Variants in KCNIP3 observed in about 807,000 individuals in gnomAD.
The protein encoded by KCNIP3 is calsenilin.
Under a neutral mutation model 35.0 loss-of-function variants are expected in KCNIP3, and 28 were observed. The observed-to-expected ratio is 0.80, with a 90% CI of 0.59 to 1.10. The LOEUF is 1.10. Among genes scored for constraint, KCNIP3 ranks in the 50% least tolerant of loss-of-function variants. The pLI, the probability that KCNIP3 is intolerant of heterozygous loss-of-function variation, is 0.00. For synonymous variants in KCNIP3, 134 were observed against 133.8 expected, an observed-to-expected ratio of 1.00 and a Z score of -0.01; for missense variants, 295 against 338.4, an observed-to-expected ratio of 0.87 and a Z score of 1.01.
intron 2 of KCNIP3, among the ~76,000 whole-genome samples, chr2:95,344,650 A>C (rs1183890117): frequency 6.6e-6 from 1 of 152,236 alleles, no homozygotes; most frequent in Admixed American, 6.5e-5. Context: ...AGGACCCCCA[A>C]GATGGCCTCC....
chr2:95,314,742 G>A (rs2104216411), intron 2 of KCNIP3, among the ~76,000 whole-genome samples: 1 of 152,378 alleles, frequency 6.6e-6, no homozygotes, highest in Non-Finnish European at 1.5e-5. Flanking sequence ...CCTCCTGCTG[G>A]GGACCCATTC....
chr2:95,340,578 T>A (rs1481082484), intron 2 of KCNIP3, among the ~76,000 whole-genome samples: 1 of 152,236 alleles, frequency 6.6e-6, no homozygotes, highest in South Asian at 2.1e-4. Flanking sequence ...TTGCCAGCAA[T>A]TTCGGCATGG....
intron 2 of KCNIP3, among the ~76,000 whole-genome samples, chr2:95,357,868 T>G (rs531390244): frequency 6.6e-6 from 1 of 152,294 alleles, no homozygotes; most frequent in Admixed American, 6.5e-5. Flanking sequence ...ACTGGCTGGC[T>G]GTTGTCTGAG....
chr2:95,337,137 C>T (rs533021419), intron 2 of KCNIP3, among the ~76,000 whole-genome samples: 10 of 152,282 alleles, frequency 6.6e-5, no homozygotes, highest in African/African-American at 2.4e-4. Context: ...GCTCTATTTC[C>T]TTTATCCAGT....
chr2:95,379,602 G>C (rs1680287293), intron 5 of KCNIP3, among the ~76,000 whole-genome samples: 2 of 152,242 alleles, frequency 1.3e-5, no homozygotes, highest in Admixed American at 1.3e-4. Context: ...GAGGATGTGA[G>C]CTGTAACTTT....
chr2:95,300,057 G>A (rs768517528), intron 1 of KCNIP3, among the ~76,000 whole-genome samples: 6 of 152,212 alleles, frequency 3.9e-5, no homozygotes, highest in African/African-American at 9.6e-5. Flanking sequence ...ACTCCAGAGC[G>A]CAGCAAGTCC....
At chr2:95,310,902 G>A (rs1406523238) in intron 2 of KCNIP3, 7 of 300,656 alleles carry the variant, frequency 2.3e-5, no homozygotes, top group Non-Finnish European at 4.5e-5. Context: ...GAGAAGCCAG[G>A]CTGGAACCTG....
At chr2:95,333,012 G>T (rs1372866660) in intron 2 of KCNIP3, among the ~76,000 whole-genome samples, 2 of 108,368 alleles carry the variant, frequency 1.8e-5, no homozygotes, top group African/African-American at 7.5e-5. Flanking sequence ...GCCCTGTCTC[G>T]CGTGAGTTCT....
rs1286593547 is a variant in KCNIP3 at position 95,385,719 on chromosome 2, CA to C, written c.*1671del. On this transcript the variant is annotated 3_prime_UTR_variant, in exon 9 of 9. Transcript: ENST00000295225. ...GCGGAGCTGCATGGACGCCTGGCTC[CA>C]GGCTCCAGGCTGACTGGGGGCCTCT... 6.5e-6 allele frequency: 1 copy of C among 152,718 alleles called. No homozygotes were observed. Among genetic ancestry groups the C allele is most frequent in the East Asian group, 1.9e-4 (1 of 5,182 alleles). 9.5% of individuals were successfully genotyped at this position (152,718 alleles called of 1,614,324 possible).
intron 1 of KCNIP3, among the ~76,000 whole-genome samples, chr2:95,306,397 G>A (rs1184905976): frequency 1.3e-5 from 2 of 152,174 alleles, no homozygotes; most frequent in East Asian, 1.9e-4. Flanking sequence ...GCTGTGTCAC[G>A]AGGAAAAGCA....
chr2:95,323,307 T>A (rs756968308), intron 2 of KCNIP3, among the ~76,000 whole-genome samples: 1 of 151,320 alleles, frequency 6.6e-6, no homozygotes, highest in Admixed American at 6.6e-5. Context: ...AGGTTGGGAG[T>A]TTTTTGGGAA....
intron 2 of KCNIP3, among the ~76,000 whole-genome samples, chr2:95,317,717 G>A (rs1678494386): frequency 6.6e-6 from 1 of 152,212 alleles, no homozygotes; most frequent in Admixed American, 6.5e-5. Flanking sequence ...AAAGAAAGGT[G>A]TTGAGTGTCA....
At chr2:95,379,947 C>G (rs928237499) in intron 5 of KCNIP3, among the ~76,000 whole-genome samples, 2 of 152,356 alleles carry the variant, frequency 1.3e-5, no homozygotes, top group Middle Eastern at 3.4e-3. Flanking sequence ...TTGGTGGACA[C>G]TGGAAATCTC....
chr2:95,320,090 G>T (rs2104224746), intron 2 of KCNIP3, among the ~76,000 whole-genome samples: 1 of 152,290 alleles, frequency 6.6e-6, no homozygotes, highest in Non-Finnish European at 1.5e-5. Context: ...GGTGCTCTCT[G>T]GGAGCAGGGG....
chr2:95,353,403 G>T (rs941577671), intron 2 of KCNIP3, among the ~76,000 whole-genome samples: 1 of 152,172 alleles, frequency 6.6e-6, no homozygotes, highest in African/African-American at 2.4e-5. Context: ...GCCAGAGCGC[G>T]AGGCAGCCAG....
chr2:95,334,598 G>C (rs1468529169), intron 2 of KCNIP3, among the ~76,000 whole-genome samples: 2 of 152,216 alleles, frequency 1.3e-5, no homozygotes, highest in South Asian at 4.1e-4. Flanking sequence ...AGAGTATGAA[G>C]AGAAGAGCTA....
chr2:95,307,468 A>T (rs1678205216), intron 1 of KCNIP3, among the ~76,000 whole-genome samples: 1 of 152,234 alleles, frequency 6.6e-6, no homozygotes, highest in Non-Finnish European at 1.5e-5. Context: ...TCAGGGAATT[A>T]GTTTCCTCAT....
intron 2 of KCNIP3, among the ~76,000 whole-genome samples, chr2:95,347,540 C>T (rs1234511122): frequency 2.0e-5 from 3 of 152,208 alleles, no homozygotes; most frequent in Admixed American, 6.5e-5. Flanking sequence ...TGTGATGGGG[C>T]CTCCCCTTTC....
At chr2:95,354,341 A>T (rs1055819726) in intron 2 of KCNIP3, among the ~76,000 whole-genome samples, 1 of 152,244 alleles carries the variant, frequency 6.6e-6, no homozygotes, top group African/African-American at 2.4e-5. Context: ...AATGTAAGTT[A>T]TATGCCACCA....
Sources: allele counts gnomAD v4.1 joint callset (sites outside exome capture counted in the v4.1 genomes callset), GRCh38; gene constraint gnomAD v4.1.1; transcripts MANE v1.5; gene names NCBI Gene and HGNC (gene_info 2026-07-23, HGNC 2026-07-21).